Variants in PRKCH observed in about 807,000 individuals in gnomAD.
PRKCH encodes protein kinase C eta type.
Under a neutral mutation model 82.5 loss-of-function variants are expected in PRKCH, and 28 were observed. That is an observed-to-expected ratio of 0.34 (90% CI 0.25 to 0.47). The LOEUF (loss-of-function observed/expected upper bound fraction) is 0.47. Among genes scored for constraint, PRKCH ranks in the 20% least tolerant of loss-of-function variants. The pLI is 1.00. For synonymous variants in PRKCH, 322 were observed against 327.4 expected (o/e 0.98, Z 0.18); for missense variants, 705 against 881.8 (o/e 0.80, Z 2.54).
In PRKCH at chr14:61,549,847, G is replaced by C. The variant is rs780151655; in HGVS notation, c.*16G>C. ...GCAACCATAGCCTTATGGGGAGTGAGAGAGAGGGCACGAGAACCCAAAGGG... is the reference window on the plus strand; with the variant it reads ...GCAACCATAGCCTTATGGGGAGTGACAGAGAGGGCACGAGAACCCAAAGGG... On this transcript the variant is annotated 3_prime_UTR_variant, in exon 14 of 14. Coordinates refer to ENST00000332981, the MANE Select transcript of PRKCH (RefSeq NM_006255.5). 32 of 1,610,764 alleles carry C rather than the reference G, an allele frequency of 2.0e-5. No homozygotes were observed. The East Asian group carries it at 6.9e-4, about 35-fold the overall frequency.
At chr14:61,221,208 G>A (rs369153825) in intron 1 of PRKCH, among the ~76,000 whole-genome samples, 3 of 152,164 alleles carry the variant, frequency 2.0e-5, no homozygotes, top group Non-Finnish European at 4.4e-5. Flanking sequence ...ACGGGTTACC[G>A]AGAATGAGAA....
intron 9 of PRKCH, among the ~76,000 whole-genome samples, chr14:61,484,116 A>G (rs1047513223): frequency 2.0e-5 from 3 of 152,184 alleles, no homozygotes; most frequent in East Asian, 1.9e-4. Context: ...ATAATCTGCA[A>G]TCCCACAAAA....
At chr14:61,532,803 A>G (rs2043057234) in intron 12 of PRKCH, among the ~76,000 whole-genome samples, 1 of 152,212 alleles carries the variant, frequency 6.6e-6, no homozygotes, top group South Asian at 2.1e-4. Context: ...GGAGAATCGC[A>G]TCCAGTGGAG....
At chr14:61,239,847 A>G (rs1263900087) in intron 1 of PRKCH, among the ~76,000 whole-genome samples, 4 of 152,102 alleles carry the variant, frequency 2.6e-5, no homozygotes, top group Non-Finnish European at 5.9e-5. Flanking sequence ...TGAAGTTCTA[A>G]CTCACTGAAG....
chr14:61,538,554 G>T lies in PRKCH; in HGVS notation c.1761+7959G>T, dbSNP rs367970816. Among the ~76,000 whole-genome samples the T allele has an allele frequency of 1.1e-3, 168 of 152,274 alleles. 1 individual carries two copies. Among genetic ancestry groups the T allele is most frequent in the African/African-American group, 3.8e-3 (157 of 41,556 alleles). On this transcript the variant is annotated intron_variant, in intron 12 of 13. Coordinates refer to ENST00000332981, the MANE Select transcript of PRKCH (RefSeq NM_006255.5). Reference sequence around the variant, plus strand: ...AGCAGTGTAAAGGATTTTTTAAAATGTATTTTTAATAGAGTACTCATGCTG... The same window carrying T: ...AGCAGTGTAAAGGATTTTTTAAAATTTATTTTTAATAGAGTACTCATGCTG...
At chr14:61,458,657 T>G (rs1884891726) in intron 9 of PRKCH, among the ~76,000 whole-genome samples, 1 of 152,096 alleles carries the variant, frequency 6.6e-6, no homozygotes, top group Admixed American at 6.5e-5. Flanking sequence ...GACTCACAGT[T>G]CCACAGGCCG....
chr14:61,278,975 TCACACACACACACACACACACACACACA>T (rs71117806), intron 1 of PRKCH: 1 of 140,240 alleles, frequency 7.1e-6, no homozygotes, highest in Non-Finnish European at 1.6e-5. Flanking sequence ...CCCTTTCTAA[TCACACACACACACACACACACACACACA>T]CACACACACA....
chr14:61,310,208 A>G, intron 1 of PRKCH, among the ~76,000 whole-genome samples: 1 of 152,184 alleles, frequency 6.6e-6, no homozygotes, highest in Non-Finnish European at 1.5e-5. Context: ...ACAGTCCTCC[A>G]AAGTCTTAAC....
At chr14:61,262,042 A>G in intron 1 of PRKCH, among the ~76,000 whole-genome samples, 1 of 151,986 alleles carries the variant, frequency 6.6e-6, no homozygotes, top group Non-Finnish European at 1.5e-5. Flanking sequence ...CAACATGGTG[A>G]AACCCCATCT....
At chr14:61,489,386 C>A (rs559559274) in intron 10 of PRKCH, among the ~76,000 whole-genome samples, 1 of 152,332 alleles carries the variant, frequency 6.6e-6, no homozygotes, top group East Asian at 1.9e-4. Flanking sequence ...GAAGGTAGTA[C>A]CTTAGGCTCC....
Position 61,322,273 on chromosome 14 carries a change from A to G in PRKCH, c.172A>G (p.Ser58Gly), listed in dbSNP as rs763702641. Residue 58 changes from serine to glycine, a missense_variant, in exon 1 of 14, where the codon AGC (serine) becomes GGC (glycine). Physicochemically the swap from Ser to Gly is moderately conservative, Grantham distance 56 (BLOSUM62 0). Transcript: ENST00000332981. ...SVDQVRVGQTSTKQKTNKPTY... is the reference protein window; with the variant it reads ...SVDQVRVGQTGTKQKTNKPTY... ...GGACCAGGTGCGCGTGGGCCAGACC[A>G]GCACCAAGCAGAAGACCAACAAACC... 3 of 1,613,174 alleles carry G rather than the reference A, an allele frequency of 1.9e-6. No homozygotes were observed. The highest frequency in any genetic ancestry group is 2.2e-5 in the East Asian group (1 of 44,670).
intron 2 of PRKCH, among the ~76,000 whole-genome samples, chr14:61,400,053 A>G (rs1881526576): frequency 1.3e-5 from 2 of 152,334 alleles, no homozygotes; most frequent in South Asian, 4.1e-4. Flanking sequence ...GGCAGTGCAC[A>G]ATGGTGCAGA....
chr14:61,501,725 G>A (rs1216618407), intron 10 of PRKCH, among the ~76,000 whole-genome samples: 1 of 152,114 alleles, frequency 6.6e-6, no homozygotes, highest in Non-Finnish European at 1.5e-5. Context: ...AAAGAGCAGT[G>A]TCACTTTAAT....
intron 9 of PRKCH, among the ~76,000 whole-genome samples, chr14:61,467,871 C>T (rs943673543): frequency 6.6e-6 from 1 of 152,102 alleles, no homozygotes; most frequent in East Asian, 1.9e-4. Flanking sequence ...CATTTAATAC[C>T]CAAAGCATCC....
chr14:61,391,975 C>T (rs553916238), intron 2 of PRKCH, among the ~76,000 whole-genome samples: 3 of 152,282 alleles, frequency 2.0e-5, no homozygotes, highest in South Asian at 2.1e-4. Context: ...GTTAGTTTTA[C>T]CTACCCTAGA....
At chr14:61,214,843 C>A (rs1399057859) in intron 1 of PRKCH, among the ~76,000 whole-genome samples, 1 of 152,120 alleles carries the variant, frequency 6.6e-6, no homozygotes, top group African/African-American at 2.4e-5. Context: ...TTTTGTCCAG[C>A]AAATCATTTA....
intron 1 of PRKCH, among the ~76,000 whole-genome samples, chr14:61,389,848 AG>A (rs35451600): frequency 0.12 from 18,141 of 152,068 alleles, 1,800 homozygotes; most frequent in African/African-American, 0.26. Context: ...CTGGTCTAGT[AG>A]GGGGGCTCTT....
At chr14:61,194,793 G>T (rs1373469678) in intron 1 of PRKCH, among the ~76,000 whole-genome samples, 1 of 152,110 alleles carries the variant, frequency 6.6e-6, no homozygotes, top group Non-Finnish European at 1.5e-5. Context: ...GAGTGCAATG[G>T]GGCGACCTCG....
At chr14:61,318,743 A>G (rs1334553947), upstream of PRKCH, among the ~76,000 whole-genome samples, 1 of 151,868 alleles carries the variant, frequency 6.6e-6, no homozygotes, top group Non-Finnish European at 1.5e-5. Flanking sequence ...AGCTTCATAA[A>G]CTGGTCTCCC....
Sources: gnomAD v4.1 joint callset for allele counts (sites outside exome capture counted in the v4.1 genomes callset) on GRCh38, gnomAD v4.1.1 for gene constraint, MANE v1.5 for transcripts, NCBI Gene and HGNC (gene_info 2026-07-23, HGNC 2026-07-21) for gene names.